The following KDM2A variants were observed in gnomAD, a reference collection of about 807,000 sequenced individuals.
KDM2A encodes lysine demethylase 2A.
KDM2A carries 3 observed loss-of-function variants against 137.3 expected under a neutral mutation model. The ratio of observed to expected loss-of-function variants is 0.02; its 90% CI spans 0.01 to 0.06. The LOEUF is 0.06. Among genes scored for constraint, KDM2A ranks in the 10% least tolerant of loss-of-function variants. KDM2A has a pLI of 1.00. For missense variants in KDM2A, 738 were observed against 1,510.6 expected (o/e 0.49, Z 8.48); for synonymous variants, 512 against 541.5 (o/e 0.95, Z 0.76).
chr11:67,211,120 T>C (rs923068888), intron 6 of KDM2A, among the ~76,000 whole-genome samples: 20 of 152,184 alleles, frequency 1.3e-4, no homozygotes, highest in African/African-American at 4.3e-4. Context: ...CTGTTTCTAT[T>C]GGTAGAATTC....
chr11:67,230,467 A>C (rs902730626), intron 11 of KDM2A, among the ~76,000 whole-genome samples: 2 of 152,082 alleles, frequency 1.3e-5, no homozygotes, highest in Non-Finnish European at 2.9e-5. Context: ...GTCTACAAAA[A>C]TTTTTTAAAT....
chr11:67,224,248 C>T (rs141079926), intron 10 of KDM2A, among the ~76,000 whole-genome samples: 114 of 152,264 alleles, frequency 7.5e-4, no homozygotes, highest in African/African-American at 2.7e-3. Context: ...GGAACATTCT[C>T]AGGAGCTGCA....
intron 15 of KDM2A, among the ~76,000 whole-genome samples, chr11:67,247,475 T>C (rs1274719145): frequency 7.2e-6 from 1 of 138,014 alleles, no homozygotes; most frequent in African/African-American, 2.7e-5. Flanking sequence ...TTGCCCAGGC[T>C]GGAGTATAGT....
At chr11:67,136,814 A>C (rs1855978736) in intron 2 of KDM2A, among the ~76,000 whole-genome samples, 1 of 152,228 alleles carries the variant, frequency 6.6e-6, no homozygotes, top group African/African-American at 2.4e-5. Context: ...TCTGGCTTAC[A>C]GTAATGGATA....
chr11:67,145,998 G>GT (rs552846225), intron 2 of KDM2A, among the ~76,000 whole-genome samples: 7,554 of 122,140 alleles, frequency 0.062, 276 homozygotes, highest in Non-Finnish European at 0.096. Context: ...GTTTTTTTTT[G>GT]TTTTTTTTTT....
At chr11:67,169,840 C>G (rs1856840118) in intron 2 of KDM2A, among the ~76,000 whole-genome samples, 1 of 147,262 alleles carries the variant, frequency 6.8e-6, no homozygotes, top group Non-Finnish European at 1.5e-5. Context: ...TCACTGCAAC[C>G]TCTGCCTCCT....
chr11:67,234,670 C>G (rs1392990069), intron 12 of KDM2A, among the ~76,000 whole-genome samples: 2 of 152,108 alleles, frequency 1.3e-5, no homozygotes, highest in Non-Finnish European at 2.9e-5. Context: ...GCCTGGGCAA[C>G]GTGGCGAAAC....
chr11:67,198,644 A>C (rs1353855953), intron 5 of KDM2A, among the ~76,000 whole-genome samples: 1 of 146,190 alleles, frequency 6.8e-6, no homozygotes, highest in Non-Finnish European at 1.5e-5. Flanking sequence ...CGGAAGGCGG[A>C]GGTTGCAGTG....
At chr11:67,137,458 A>G (rs982301132) in intron 2 of KDM2A, among the ~76,000 whole-genome samples, 3 of 152,130 alleles carry the variant, frequency 2.0e-5, no homozygotes, top group African/African-American at 7.2e-5. Context: ...TAGAGAGGAG[A>G]TTGATTCTAT....
rs368797016 is a variant in KDM2A, at chr11:67,191,049, T to A, written c.307+9157T>A. Among the ~76,000 whole-genome samples, 6 of 152,182 alleles carry A rather than the reference T, an allele frequency of 3.9e-5. No individual in the cohort carries two copies. The South Asian group carries it at 1.2e-3, about 32-fold the overall frequency. ...AAGAATTTAAGAGGGAACACTTCTTTTTTTTCTTTTTTTGAGATGAGTCTC... is the reference window on the plus strand; with the variant it reads ...AAGAATTTAAGAGGGAACACTTCTTATTTTTCTTTTTTTGAGATGAGTCTC... On this transcript the variant is annotated intron_variant, in intron 5 of 20. Transcript: ENST00000529006.
At chr11:67,201,050 C>T (rs1324691748) in intron 5 of KDM2A, among the ~76,000 whole-genome samples, 5 of 151,732 alleles carry the variant, frequency 3.3e-5, no homozygotes, top group African/African-American at 1.2e-4. Flanking sequence ...AAAAATTAGC[C>T]GGGCGTGGTG....
chr11:67,192,525 A>G (rs1173886695), intron 5 of KDM2A, among the ~76,000 whole-genome samples: 1 of 136,192 alleles, frequency 7.3e-6, no homozygotes, highest in Non-Finnish European at 1.5e-5. Context: ...GCTCACTGCA[A>G]CCTCCACCTC....
In KDM2A at chr11:67,247,072, T is replaced by TATATATATATATATAA. The variant is rs1491570916; in HGVS notation, c.1965+956_1965+957insATATATATATATATAA. Among the ~76,000 whole-genome samples, 4 of 18,352 alleles carry TATATATATATATATAA rather than the reference T, an allele frequency of 2.2e-4. No individual in the cohort carries two copies. In the Admixed American group the frequency reaches 2.6e-3, roughly 12 times the overall value. The allele number at this position is 18,352 out of a possible 152,430, so 12.0% of individuals were successfully genotyped here. On this transcript the variant is annotated intron_variant, in intron 15 of 20. Coordinates refer to ENST00000529006, the MANE Select transcript of KDM2A (RefSeq NM_012308.3). Reference sequence around the variant, plus strand: ...ATATATATATATATATATATATATATTTTTTTTTTTTTTTTTTTTTTTTTT... The same window carrying TATATATATATATATAA: ...ATATATATATATATATATATATATATATATATATATATATAATTTTTTTTTTTTTTTTTTTTTTTTT...
rs113751673 is a variant in KDM2A at position 67,154,878 on chromosome 11, C to T, written c.43-25201C>T. The stretch of plus-strand genomic sequence containing the variant: ...TTCTTTTTATGGCTGAATAATATTC[C>T]GTTGTATGGATATACCACATTTTGC... On this transcript the variant is annotated intron_variant, in intron 2 of 20. Coordinates refer to ENST00000529006, the MANE Select transcript of KDM2A (RefSeq NM_012308.3). 1.2e-4 allele frequency among the ~76,000 whole-genome samples: 19 copies of T among 152,274 alleles called. No homozygotes were observed. The South Asian group carries it at 2.3e-3, about 18-fold the overall frequency.
chr11:67,220,601 C>G (rs1230012092), intron 10 of KDM2A, among the ~76,000 whole-genome samples: 1 of 152,100 alleles, frequency 6.6e-6, no homozygotes, highest in East Asian at 1.9e-4. Flanking sequence ...GGATGATACA[C>G]AGCTAATACC....
At chr11:67,191,792 CT>C (rs1161280582) in intron 5 of KDM2A, among the ~76,000 whole-genome samples, 2 of 152,180 alleles carry the variant, frequency 1.3e-5, no homozygotes, top group East Asian at 3.9e-4. Flanking sequence ...AAGGCGCCTG[CT>C]TTTACTGCCT....
intron 2 of KDM2A, among the ~76,000 whole-genome samples, chr11:67,149,966 CCCT>C (rs1315294868): frequency 1.3e-5 from 2 of 152,290 alleles, no homozygotes; most frequent in African/African-American, 2.4e-5. Flanking sequence ...AGGTGACCTG[CCCT>C]CCTCAGCCTC....
intron 13 of KDM2A, 90 bp downstream of exon 13, chr11:67,243,182 G>C: frequency 3.3e-6 from 3 of 915,088 alleles, no homozygotes; most frequent in Non-Finnish European, 5.3e-6. Flanking sequence ...ACAACTAGAG[G>C]CAGATGGCTT....
At chr11:67,121,033 A>T (rs1427369281) in intron 1 of KDM2A, among the ~76,000 whole-genome samples, 1 of 152,038 alleles carries the variant, frequency 6.6e-6, no homozygotes, top group Non-Finnish European at 1.5e-5. Flanking sequence ...CGTTTCGTCT[A>T]GGCCTCCGAC....
Sources: gnomAD v4.1 joint callset for allele counts (sites outside exome capture counted in the v4.1 genomes callset) on GRCh38, gnomAD v4.1.1 for gene constraint, MANE v1.5 for transcripts, NCBI Gene and HGNC (gene_info 2026-07-23, HGNC 2026-07-21) for gene names.